TMCO5A: variants seen among roughly 807,000 people sequenced by gnomAD.
TMCO5A encodes transmembrane and coiled-coil domains 5A, also known as transmembrane and coiled-coil domain-containing protein 5A.
In TMCO5A, 34 loss-of-function variants were observed where a neutral mutation model predicts 42.3. The ratio of observed to expected loss-of-function variants is 0.80; its 90% confidence interval spans 0.61 to 1.07. The LOEUF (loss-of-function observed/expected upper bound fraction) is 1.07, where lower values mean the gene tolerates loss of function less well. Among genes scored for constraint, TMCO5A ranks in the 50% least tolerant of loss-of-function variants. TMCO5A has a pLI of 0.00. For synonymous variants in TMCO5A, 131 were observed against 115.6 expected (o/e 1.13, Z -0.86); for missense variants, 357 against 327.9 (o/e 1.09, Z -0.69).
At chr15:37,965,544 G>A (rs1890536240) in intron 11 of TMCO5A, among the ~76,000 whole-genome samples, 1 of 152,080 alleles carries the variant, frequency 6.6e-6, no homozygotes, top group African/African-American at 2.4e-5. Flanking sequence ...TATATAAGGA[G>A]CTCAAACAAC....
the TMCO5A span, among the ~76,000 whole-genome samples, chr15:37,989,513 C>T: frequency 5.3e-5 from 8 of 151,978 alleles, no homozygotes; most frequent in African/African-American, 1.9e-4. Flanking sequence ...TTTCATTTGT[C>T]TCAAGGTATT....
the TMCO5A span, chr15:38,024,642 G>GA: frequency 6.6e-6 from 1 of 152,158 alleles, no homozygotes; most frequent in Admixed American, 6.5e-5. Flanking sequence ...TCAGAGTGGG[G>GA]AAAAATGTCT....
the TMCO5A span, among the ~76,000 whole-genome samples, chr15:38,009,011 A>G: frequency 6.6e-6 from 1 of 152,352 alleles, no homozygotes; most frequent in East Asian, 1.9e-4. Flanking sequence ...AAAGAGATTC[A>G]TAAGCCTAAA....
the TMCO5A span, among the ~76,000 whole-genome samples, chr15:38,023,162 C>T: frequency 6.6e-6 from 1 of 152,096 alleles, no homozygotes; most frequent in African/African-American, 2.4e-5. Flanking sequence ...GTAATCGAAG[C>T]AGTGTGGCAC....
chr15:38,005,666 T>G, the TMCO5A span, among the ~76,000 whole-genome samples: 1 of 152,104 alleles, frequency 6.6e-6, no homozygotes, highest in Non-Finnish European at 1.5e-5. Flanking sequence ...CTGGGCTAAG[T>G]AGAAAGCACA....
At chr15:38,018,824 T>C in the TMCO5A span, among the ~76,000 whole-genome samples, 1 of 152,078 alleles carries the variant, frequency 6.6e-6, no homozygotes, top group Non-Finnish European at 1.5e-5. Flanking sequence ...TAAAATATTT[T>C]AATTTTCCAG....
chr15:37,949,239 G>C (rs529826130), intron 11 of TMCO5A, among the ~76,000 whole-genome samples: 72 of 152,106 alleles, frequency 4.7e-4, no homozygotes, highest in African/African-American at 1.7e-3. Flanking sequence ...CATAATCATG[G>C]ATAGAAACTC....
chr15:37,960,385 A>G (rs1239711216), intron 11 of TMCO5A, among the ~76,000 whole-genome samples: 1 of 152,132 alleles, frequency 6.6e-6, no homozygotes, highest in African/African-American at 2.4e-5. Context: ...ATGGCTGAGT[A>G]GTATTCCATC....
chr15:38,021,486 G>A, the TMCO5A span, among the ~76,000 whole-genome samples: 1 of 151,864 alleles, frequency 6.6e-6, no homozygotes, highest in Non-Finnish European at 1.5e-5. Flanking sequence ...TTTTAGAAGT[G>A]ACCCCCATTG....
the TMCO5A span, among the ~76,000 whole-genome samples, chr15:38,013,489 A>G: frequency 1.6e-4 from 24 of 152,318 alleles, no homozygotes; most frequent in African/African-American, 5.8e-4. Context: ...GCTGAGAGAC[A>G]GTAATTCAAT....
chr15:37,969,276 T>G (rs183500173), downstream of TMCO5A, among the ~76,000 whole-genome samples: 210 of 152,334 alleles, frequency 1.4e-3, no homozygotes, highest in South Asian at 2.7e-3. Context: ...GATGAATATC[T>G]CAAATGGAAG....
At chr15:38,032,031 C>G in the TMCO5A span, among the ~76,000 whole-genome samples, 7 of 151,984 alleles carry the variant, frequency 4.6e-5, no homozygotes. Context: ...TCTCGGCTCA[C>G]CGCAACCTCT....
At chr15:38,011,640 G>C in the TMCO5A span, among the ~76,000 whole-genome samples, 2 of 152,050 alleles carry the variant, frequency 1.3e-5, no homozygotes, top group Non-Finnish European at 2.9e-5. Context: ...ACATTGGTCT[G>C]TTTATTATAG....
At chr15:37,946,920 T>G (rs1338291753) in intron 10 of TMCO5A, among the ~76,000 whole-genome samples, 1 of 152,146 alleles carries the variant, frequency 6.6e-6, no homozygotes, top group Admixed American at 6.6e-5. Context: ...AAGTCATCCT[T>G]GTCTTGTGCC....
chr15:38,010,256 G>A, the TMCO5A span, among the ~76,000 whole-genome samples: 2 of 151,692 alleles, frequency 1.3e-5, no homozygotes, highest in East Asian at 3.9e-4. Flanking sequence ...GGCGCGTGTA[G>A]TCCCAGCTAC....
At chr15:38,019,883 G>C in the TMCO5A span, among the ~76,000 whole-genome samples, 1 of 151,684 alleles carries the variant, frequency 6.6e-6, no homozygotes, top group East Asian at 1.9e-4. Context: ...CAAAGCACTA[G>C]CATTACAGGT....
At chr15:37,980,391 T>G in the TMCO5A span, among the ~76,000 whole-genome samples, 1 of 152,134 alleles carries the variant, frequency 6.6e-6, no homozygotes, top group East Asian at 1.9e-4. Context: ...AAGCAGCTCA[T>G]GTCAGTCTAG....
chr15:37,941,423 C>T (rs867265861), intron 7 of TMCO5A, among the ~76,000 whole-genome samples: 21 of 151,670 alleles, frequency 1.4e-4, no homozygotes, highest in African/African-American at 4.6e-4. Context: ...GTTTGTATCT[C>T]GCAAATATTA....
chr15:37,946,778 T>C (rs1889978447), intron 10 of TMCO5A, among the ~76,000 whole-genome samples: 1 of 152,102 alleles, frequency 6.6e-6, no homozygotes, highest in Non-Finnish European at 1.5e-5. Flanking sequence ...TTTCTAGATA[T>C]AGGATCATGT....
Sources: allele counts gnomAD v4.1 joint callset (sites outside exome capture counted in the v4.1 genomes callset), GRCh38; gene constraint gnomAD v4.1.1; transcripts MANE v1.5; gene names NCBI Gene and HGNC (gene_info 2026-07-23, HGNC 2026-07-21).